ANK3: variants seen among roughly 807,000 people sequenced by gnomAD.
The protein encoded by ANK3 is ankyrin-3.
In ANK3, 57 loss-of-function variants were observed where a neutral mutation model predicts 370.9. The observed-to-expected ratio is 0.15, with a 90% CI of 0.12 to 0.19. The LOEUF (loss-of-function observed/expected upper bound fraction) is 0.19. ANK3 is among the 10% of genes least tolerant of loss of function. ANK3 has a pLI of 1.00. For missense variants in ANK3, 4,439 were observed against 5,302.1 expected (o/e 0.84, Z 5.06); for synonymous variants, 1,929 against 1,946.3 (o/e 0.99, Z 0.23).
chr10:60,390,729 AACACACACACAC>A (rs572520321), upstream of ANK3, among the ~76,000 whole-genome samples: 2 of 107,014 alleles, frequency 1.9e-5, no homozygotes, highest in Non-Finnish European at 3.9e-5. Context: ...TAAAAAAAAG[AACACACACACAC>A]ACACACACAC....
At chr10:60,194,060 G>A (rs545042407) in intron 16 of ANK3, among the ~76,000 whole-genome samples, 3 of 152,284 alleles carry the variant, frequency 2.0e-5, no homozygotes, top group African/African-American at 7.2e-5. Flanking sequence ...GGCAGAGGTT[G>A]CAGTGAGCCA....
At chr10:60,317,644 C>T (rs2047718290) in intron 1 of ANK3, among the ~76,000 whole-genome samples, 1 of 152,008 alleles carries the variant, frequency 6.6e-6, no homozygotes, top group Admixed American at 6.5e-5. Context: ...GAAAAGTTGC[C>T]TGAAATAACA....
chr10:60,479,315 G>T (rs2075151341), intron 2 of ANK3, among the ~76,000 whole-genome samples: 1 of 152,054 alleles, frequency 6.6e-6, no homozygotes, highest in Admixed American at 6.5e-5. Flanking sequence ...ATACCATTGT[G>T]CTACAACTAC....
rs1564474341 is a variant in ANK3, at chr10:60,027,025, G to A, written c.*2821C>T. ...TACACACATATGCAAGTTAAATCTT[G>A]AATGTCATATTTTGGATACTTCTGA... On this transcript the variant is annotated 3_prime_UTR_variant, in exon 44 of 44. Coordinates refer to ENST00000280772, the MANE Select transcript of ANK3 (RefSeq NM_020987.5). The A allele has an allele frequency of 6.6e-6, 1 of 151,990 alleles. No individual in the cohort carries two copies. The highest frequency in any genetic ancestry group is 1.5e-5 in the Non-Finnish European group (1 of 67,992). 9.4% of individuals were successfully genotyped at this position (151,990 alleles called of 1,614,324 possible).
chr10:60,224,193 T>C (rs997644436), intron 8 of ANK3, among the ~76,000 whole-genome samples: 1 of 152,152 alleles, frequency 6.6e-6, no homozygotes, highest in African/African-American at 2.4e-5. Context: ...TGAGTTGCCA[T>C]AGTAACATTA....
At chr10:60,046,417 T>C (rs1483696596) in intron 42 of ANK3, among the ~76,000 whole-genome samples, 2 of 152,238 alleles carry the variant, frequency 1.3e-5, no homozygotes, top group African/African-American at 4.8e-5. Context: ...CCTAAAATGG[T>C]ATCCTATTGG....
chr10:60,512,226 CAG>C (rs2076103946), intron 2 of ANK3, among the ~76,000 whole-genome samples: 1 of 152,016 alleles, frequency 6.6e-6, no homozygotes, highest in Non-Finnish European at 1.5e-5. Context: ...ACCATAAAAA[CAG>C]AATTGAATAG....
intron 4 of ANK3, among the ~76,000 whole-genome samples, chr10:60,271,912 A>G (rs1278339698): frequency 6.6e-6 from 1 of 150,690 alleles, no homozygotes; most frequent in Non-Finnish European, 1.5e-5. Flanking sequence ...CTAGTTGCCA[A>G]GCTCAAGATT....
chr10:60,150,909 C>T (rs1260466265), intron 23 of ANK3, among the ~76,000 whole-genome samples: 1 of 152,132 alleles, frequency 6.6e-6, no homozygotes, highest in Non-Finnish European at 1.5e-5. Context: ...CAGACTAACA[C>T]AGAATCTCGA....
intron 1 of ANK3, among the ~76,000 whole-genome samples, chr10:60,323,122 A>G (rs999818294): frequency 3.3e-5 from 5 of 152,190 alleles, no homozygotes; most frequent in African/African-American, 9.7e-5. Context: ...TGAGATGGGT[A>G]AGAAACGGAC....
At chr10:60,129,522 T>C (rs563152414) in intron 25 of ANK3, among the ~76,000 whole-genome samples, 77 of 152,266 alleles carry the variant, frequency 5.1e-4, no homozygotes, top group African/African-American at 1.8e-3. Context: ...AAGGACAAGC[T>C]GGGCGGATCA....
chr10:60,584,502 C>G (rs1467643400), intron 2 of ANK3, among the ~76,000 whole-genome samples: 2 of 152,140 alleles, frequency 1.3e-5, no homozygotes, highest in Non-Finnish European at 2.9e-5. Context: ...CCTGTAGTCC[C>G]AGCTACTCAG....
intron 38 of ANK3, 27 bp from the exon 39 acceptor site, chr10:60,064,315 G>C: frequency 6.5e-7 from 1 of 1,549,080 alleles, no homozygotes; most frequent in Non-Finnish European, 8.6e-7. Context: ...GAGTTACTAA[G>C]ATTGCATATT....
intron 2 of ANK3, among the ~76,000 whole-genome samples, chr10:60,526,215 T>A (rs2076466940): frequency 6.6e-6 from 1 of 152,050 alleles, no homozygotes; most frequent in Non-Finnish European, 1.5e-5. Flanking sequence ...GACAGAAAAA[T>A]TAGAAGGCCT....
chr10:60,232,600 C>T lies in ANK3; in HGVS notation c.897+2088G>A, dbSNP rs79738623. Among the ~76,000 whole-genome samples, 7 of 152,102 alleles carry T rather than the reference C, an allele frequency of 4.6e-5. 1 individual carries two copies. In the East Asian group the frequency reaches 1.2e-3, roughly 25 times the overall value. Reference sequence around the variant, plus strand: ...TCCAGTAAGACAGTCATTTAGGGGTCGGCCTTCCTTTCTTCCCTTTTCCTA... The same window carrying T: ...TCCAGTAAGACAGTCATTTAGGGGTTGGCCTTCCTTTCTTCCCTTTTCCTA... On this transcript the variant is annotated intron_variant, in intron 8 of 43. Transcript: ENST00000280772.
intron 2 of ANK3, among the ~76,000 whole-genome samples, chr10:60,604,143 CG>C (rs2078100569): frequency 6.6e-6 from 1 of 151,960 alleles, no homozygotes; most frequent in Non-Finnish European, 1.5e-5. Context: ...GACAAAGGCA[CG>C]GTAGGTTCCG....
At chr10:60,469,071 A>ATATATATATACCACTTTTAGTG in intron 2 of ANK3, among the ~76,000 whole-genome samples, 1 of 3,410 alleles carries the variant, frequency 2.9e-4, no homozygotes, top group Admixed American at 6.3e-3. Flanking sequence ...TTTAGTATAT[A>ATATATATATACCACTTTTAGTG]TATATATATA....
intron 16 of ANK3, among the ~76,000 whole-genome samples, chr10:60,191,473 A>G (rs1016665542): frequency 2.0e-5 from 3 of 152,222 alleles, no homozygotes; most frequent in African/African-American, 7.2e-5. Flanking sequence ...AAGCATATGA[A>G]AAAATGATCG....
chr10:60,559,137 A>C (rs1255596027), intron 2 of ANK3, among the ~76,000 whole-genome samples: 1 of 152,108 alleles, frequency 6.6e-6, no homozygotes, highest in Non-Finnish European at 1.5e-5. Context: ...AAAAATTTTC[A>C]ATAGGTTTTT....
Sources: allele counts gnomAD v4.1 joint callset (sites outside exome capture counted in the v4.1 genomes callset), GRCh38; gene constraint gnomAD v4.1.1; transcripts MANE v1.5; gene names NCBI Gene and HGNC (gene_info 2026-07-23, HGNC 2026-07-21).